The following CSMD1 variants were observed in gnomAD, a reference collection of about 807,000 sequenced individuals.
CSMD1 encodes CUB and sushi domain-containing protein 1.
A neutral mutation model predicts 417.5 loss-of-function variants in CSMD1; 213 were observed. The ratio of observed to expected loss-of-function variants is 0.51; its 90% CI spans 0.46 to 0.57. CSMD1 has a LOEUF of 0.57. Ranked by LOEUF, CSMD1 falls within the 20% of genes least tolerant of loss-of-function variation. The pLI, the probability that CSMD1 is intolerant of heterozygous loss-of-function variation, is 0.00. For synonymous variants in CSMD1, 2,862 were observed against 1,736.8 expected, an observed-to-expected ratio of 1.65 and a Z score of -16.11; for missense variants, 6,923 against 4,529.7, an observed-to-expected ratio of 1.53 and a Z score of -15.17.
At chr8:3,910,147 A>G (rs1161861227) in intron 5 of CSMD1, among the ~76,000 whole-genome samples, 1 of 152,194 alleles carries the variant, frequency 6.6e-6, no homozygotes, top group African/African-American at 2.4e-5. Context: ...TTTTCTTACA[A>G]CTTATGTCGG....
intron 1 of CSMD1, among the ~76,000 whole-genome samples, chr8:4,957,878 G>C (rs10503294): frequency 0.26 from 39,792 of 152,086 alleles, 6,448 homozygotes; most frequent in East Asian, 0.4. Flanking sequence ...CCTGCAATAT[G>C]GAAGTGTGGA....
chr8:3,297,736 G>C (rs73660638), intron 25 of CSMD1, among the ~76,000 whole-genome samples: 1 of 152,064 alleles, frequency 6.6e-6, no homozygotes, highest in Non-Finnish European at 1.5e-5. Flanking sequence ...TATAGCTTTG[G>C]GGAGGGAGGA....
At chr8:4,108,120 G>C (rs1274845957) in intron 3 of CSMD1, among the ~76,000 whole-genome samples, 1 of 151,922 alleles carries the variant, frequency 6.6e-6, no homozygotes, top group Non-Finnish European at 1.5e-5. Flanking sequence ...AGGAGGAGGA[G>C]GAGGAGGGTA....
chr8:4,178,600 G>A (rs1488646052), intron 3 of CSMD1, among the ~76,000 whole-genome samples: 6 of 151,642 alleles, frequency 4.0e-5, no homozygotes, highest in Admixed American at 2.0e-4. Context: ...GCAGGAGAAG[G>A]AAATAAAGGG....
chr8:3,630,525 G>T (rs1206105947), intron 7 of CSMD1, among the ~76,000 whole-genome samples: 3 of 152,152 alleles, frequency 2.0e-5, no homozygotes, highest in Admixed American at 1.3e-4. Context: ...GTTCATCGTC[G>T]CTACTCCTAC....
At chr8:4,720,488 G>A (rs1279919336) in intron 1 of CSMD1, among the ~76,000 whole-genome samples, 1 of 152,012 alleles carries the variant, frequency 6.6e-6, no homozygotes, top group Non-Finnish European at 1.5e-5. Context: ...CATGATCTCG[G>A]CGCACTATAA....
chr8:3,066,437 A>G (rs1020291028), intron 49 of CSMD1, among the ~76,000 whole-genome samples: 1 of 152,206 alleles, frequency 6.6e-6, no homozygotes, highest in African/African-American at 2.4e-5. Context: ...TCCATTACGC[A>G]TTTGAACAGA....
chr8:3,678,272 G>T (rs938981101), intron 7 of CSMD1, among the ~76,000 whole-genome samples: 1 of 152,112 alleles, frequency 6.6e-6, no homozygotes, highest in African/African-American at 2.4e-5. Context: ...CCATCGCAAA[G>T]AAGTTAAAAA....
chr8:3,903,671 G>A lies in CSMD1; in HGVS notation c.818+94232C>T, dbSNP rs1807916542. 2.0e-5 allele frequency among the ~76,000 whole-genome samples: 3 copies of A among 152,022 alleles called. No individual in the cohort carries two copies. In the South Asian group the frequency reaches 6.2e-4, roughly 32 times the overall value. On this transcript the variant is annotated intron_variant, in intron 5 of 69. Coordinates refer to ENST00000635120, the MANE Select transcript of CSMD1 (RefSeq NM_033225.6). The stretch of plus-strand genomic sequence containing the variant: ...TCTTGTTCCTTACAAATTGACCCTG[G>A]CTGTCTAATGATGTGATTACACATC...
intron 37 of CSMD1, among the ~76,000 whole-genome samples, chr8:3,171,638 A>G (rs1253868445): frequency 6.6e-6 from 1 of 152,224 alleles, no homozygotes; most frequent in Non-Finnish European, 1.5e-5. Flanking sequence ...TCCAAGACAT[A>G]AATTTGGTAG....
intron 6 of CSMD1, among the ~76,000 whole-genome samples, chr8:3,742,337 A>C (rs1796845909): frequency 6.6e-6 from 1 of 152,202 alleles, no homozygotes; most frequent in South Asian, 2.1e-4. Flanking sequence ...TCCATAACTT[A>C]CATTAACATT....
At chr8:3,706,700 T>C (rs1801188170) in intron 7 of CSMD1, among the ~76,000 whole-genome samples, 1 of 151,862 alleles carries the variant, frequency 6.6e-6, no homozygotes, top group African/African-American at 2.4e-5. Context: ...ATGTAAGAGT[T>C]TGGCCGGATA....
At chr8:3,516,818 G>T (rs552284697) in intron 10 of CSMD1, among the ~76,000 whole-genome samples, 3 of 152,024 alleles carry the variant, frequency 2.0e-5, no homozygotes, top group Non-Finnish European at 2.9e-5. Context: ...CAATCCCATC[G>T]CTGAGTATCT....
chr8:3,944,789 C>A (rs982253470), intron 5 of CSMD1, among the ~76,000 whole-genome samples: 1 of 152,224 alleles, frequency 6.6e-6, no homozygotes, highest in African/African-American at 2.4e-5. Context: ...CCCAAATGAT[C>A]TATTCTGTTT....
At chr8:4,405,167 C>T (rs929399476) in intron 3 of CSMD1, among the ~76,000 whole-genome samples, 1 of 152,156 alleles carries the variant, frequency 6.6e-6, no homozygotes, top group Non-Finnish European at 1.5e-5. Context: ...TCCTGGAATC[C>T]ACCATAAATC....
intron 1 of CSMD1, among the ~76,000 whole-genome samples, chr8:4,930,968 G>C (rs1461221717): frequency 1.3e-5 from 2 of 152,036 alleles, no homozygotes; most frequent in Non-Finnish European, 2.9e-5. Flanking sequence ...ATGGAACTTT[G>C]ATTTAAAAAT....
intron 1 of CSMD1, among the ~76,000 whole-genome samples, chr8:4,643,440 G>A (rs1036205546): frequency 2.6e-5 from 4 of 152,106 alleles, no homozygotes; most frequent in East Asian, 3.9e-4. Context: ...TTGTATACCT[G>A]TTGGCTTTTC....
At chr8:3,615,461 T>A (rs80339026) in intron 8 of CSMD1, among the ~76,000 whole-genome samples, 3,032 of 152,302 alleles carry the variant, frequency 0.02, 90 homozygotes, top group African/African-American at 0.069. Flanking sequence ...CAAATGGATT[T>A]CAGCGAAAAC....
At chr8:3,479,599 A>G (rs1817620220) in intron 11 of CSMD1, among the ~76,000 whole-genome samples, 1 of 152,356 alleles carries the variant, frequency 6.6e-6, no homozygotes, top group South Asian at 2.1e-4. Flanking sequence ...TTTCAATGGC[A>G]TAAATGCCAT....
Sources: allele counts gnomAD v4.1 joint callset (sites outside exome capture counted in the v4.1 genomes callset), GRCh38; gene constraint gnomAD v4.1.1; transcripts MANE v1.5; gene names NCBI Gene and HGNC (gene_info 2026-07-23, HGNC 2026-07-21).